The following COMMD1 variants were observed in gnomAD, a reference collection of about 807,000 sequenced individuals.
COMMD1 encodes the protein copper metabolism domain containing 1, also known as COMM domain-containing protein 1.
A neutral mutation model predicts 17.2 loss-of-function variants in COMMD1; 10 were observed. That is an observed-to-expected ratio of 0.58 (90% CI 0.36 to 0.99). The LOEUF (loss-of-function observed/expected upper bound fraction) is 0.99, where lower values mean the gene tolerates loss of function less well. Among genes scored for constraint, COMMD1 ranks in the 50% least tolerant of loss-of-function variants. The pLI is 0.01. For missense variants in COMMD1, 270 were observed against 231.8 expected (o/e 1.17, Z -1.07); for synonymous variants, 97 against 91.6 (o/e 1.06, Z -0.34).
Position 62,063,868 on chromosome 2 carries a change from A to ATAT in COMMD1, c.462+62886_462+62887insTAT, listed in dbSNP as rs1670947199. On this transcript the variant is annotated intron_variant, in intron 2 of 2. Transcript: ENST00000311832. The stretch of plus-strand genomic sequence containing the variant: ...CAACATAGTGACACTGTCTCTACAA[A>ATAT]ATATATATATATATATATATATATA... Among the ~76,000 whole-genome samples, 12 of 81,174 alleles carry ATAT rather than the reference A, an allele frequency of 1.5e-4. 2 individuals carry two copies. Among genetic ancestry groups the ATAT allele is most frequent in the African/African-American group, 4.9e-4 (10 of 20,470 alleles). The allele number at this position is 81,174 out of a possible 152,430, so 53.3% of individuals were successfully genotyped here.
chr2:62,099,885 C>T (rs891885223), intron 2 of COMMD1, among the ~76,000 whole-genome samples: 4 of 152,036 alleles, frequency 2.6e-5, no homozygotes, highest in Admixed American at 6.5e-5. Flanking sequence ...CACCCAGGGG[C>T]GCCTTCCAGC....
chr2:62,097,338 C>T (rs1324360356), intron 2 of COMMD1, among the ~76,000 whole-genome samples: 5 of 152,062 alleles, frequency 3.3e-5, no homozygotes, highest in Non-Finnish European at 7.4e-5. Context: ...TATTGCCTTA[C>T]GTTTGGCAGG....
intron 1 of COMMD1, among the ~76,000 whole-genome samples, chr2:61,980,960 A>C (rs1357408441): frequency 6.6e-6 from 1 of 152,082 alleles, no homozygotes; most frequent in African/African-American, 2.4e-5. Flanking sequence ...TTTTTTGAGA[A>C]ATGTCTGTTC....
chr2:61,933,698 C>T (rs1276598094), intron 1 of COMMD1, among the ~76,000 whole-genome samples: 3 of 152,146 alleles, frequency 2.0e-5, no homozygotes, highest in African/African-American at 7.2e-5. Context: ...GAGCTAAATA[C>T]CCAGTCTCAG....
intron 1 of COMMD1, among the ~76,000 whole-genome samples, chr2:61,907,519 A>G (rs957763917): frequency 1.8e-4 from 28 of 152,064 alleles, no homozygotes; most frequent in Admixed American, 1.7e-3. Flanking sequence ...TGAGGCCTAT[A>G]TCTCTTCTGC....
At chr2:62,117,474 GT>G (rs1227392746) in intron 2 of COMMD1, among the ~76,000 whole-genome samples, 2 of 152,204 alleles carry the variant, frequency 1.3e-5, no homozygotes, top group African/African-American at 4.8e-5. Context: ...TTGTGAAACA[GT>G]TAAGTGCTCA....
intron 1 of COMMD1, among the ~76,000 whole-genome samples, chr2:61,918,878 C>T (rs1476901744): frequency 6.6e-6 from 1 of 152,092 alleles, no homozygotes; most frequent in African/African-American, 2.4e-5. Context: ...ATGTAGAATG[C>T]AGTTTTTATA....
At chr2:61,919,126 C>T (rs1205077341) in intron 1 of COMMD1, among the ~76,000 whole-genome samples, 1 of 152,106 alleles carries the variant, frequency 6.6e-6, no homozygotes, top group Admixed American at 6.5e-5. Context: ...ATTCTCCTGC[C>T]TCAGCCTCCC....
intron 1 of COMMD1, among the ~76,000 whole-genome samples, chr2:61,889,081 T>C (rs1669346848): frequency 6.7e-6 from 1 of 148,640 alleles, no homozygotes; most frequent in South Asian, 2.1e-4. Flanking sequence ...TTTTGTATTT[T>C]TAGTAGAGAC....
intron 2 of COMMD1, among the ~76,000 whole-genome samples, chr2:62,015,644 C>T (rs987603205): frequency 1.5e-4 from 22 of 148,862 alleles, no homozygotes; most frequent in Admixed American, 1.0e-3. Flanking sequence ...TTTTGCAGTA[C>T]ATGAAGTTTC....
At chr2:61,915,872 A>G (rs1281822753) in intron 1 of COMMD1, 2 of 256,144 alleles carry the variant, frequency 7.8e-6, no homozygotes, top group African/African-American at 4.7e-5. Context: ...ATGGGGTCTT[A>G]TGTTGTCCAG....
chr2:61,921,046 C>T (rs1031148809), intron 1 of COMMD1, among the ~76,000 whole-genome samples: 1 of 148,392 alleles, frequency 6.7e-6, no homozygotes, highest in Non-Finnish European at 1.5e-5. Context: ...GGTGGGATCT[C>T]GGCTCACTGC....
intron 1 of COMMD1, among the ~76,000 whole-genome samples, chr2:61,965,825 C>T (rs960876923): frequency 3.9e-5 from 6 of 152,104 alleles, no homozygotes; most frequent in African/African-American, 9.7e-5. Context: ...GTTAGTTCTT[C>T]GCTTTTAAGG....
intron 2 of COMMD1, among the ~76,000 whole-genome samples, chr2:62,131,527 T>G (rs2104102024): frequency 6.6e-6 from 1 of 152,202 alleles, no homozygotes; most frequent in East Asian, 1.9e-4. Flanking sequence ...TTCTTTTTCC[T>G]TTTCCTTTCC....
intron 2 of COMMD1, among the ~76,000 whole-genome samples, chr2:62,085,575 T>G (rs1281206214): frequency 6.6e-6 from 1 of 151,904 alleles, no homozygotes; most frequent in Non-Finnish European, 1.5e-5. Flanking sequence ...TGGTGGCTCA[T>G]GCCTATAATG....
intron 2 of COMMD1, among the ~76,000 whole-genome samples, chr2:62,021,075 C>G (rs994500365): frequency 6.6e-6 from 1 of 151,960 alleles, no homozygotes. Flanking sequence ...TTTAGGAGGC[C>G]TTTTGTCTAA....
chr2:61,934,900 G>T (rs559127577), intron 1 of COMMD1, among the ~76,000 whole-genome samples: 1 of 152,316 alleles, frequency 6.6e-6, no homozygotes, highest in Admixed American at 6.5e-5. Flanking sequence ...TTACAGGCAT[G>T]AGCTGCTGTG....
At chr2:62,084,300 C>T (rs938314766) in intron 2 of COMMD1, among the ~76,000 whole-genome samples, 1 of 152,134 alleles carries the variant, frequency 6.6e-6, no homozygotes, top group Admixed American at 6.5e-5. Context: ...TAAGTTCTAA[C>T]CAGAAGCCTT....
chr2:62,027,639 ATGTTATGTTATGTTATGTTG>A (rs1234448261), intron 2 of COMMD1, among the ~76,000 whole-genome samples: 143 of 148,000 alleles, frequency 9.7e-4, no homozygotes, highest in African/African-American at 3.5e-3. Context: ...ATGTTATGTT[ATGTTATGTTATGTTATGTTG>A]TGTTATGTTA....
Sources: gnomAD v4.1 joint callset for allele counts (sites outside exome capture counted in the v4.1 genomes callset) on GRCh38, gnomAD v4.1.1 for gene constraint, MANE v1.5 for transcripts, NCBI Gene and HGNC (gene_info 2026-07-23, HGNC 2026-07-21) for gene names.